The following STARD9 variants were observed in gnomAD, a reference collection of about 807,000 sequenced individuals.
The protein encoded by STARD9 is stAR-related lipid transfer protein 9.
A neutral mutation model predicts 399.8 loss-of-function variants in STARD9; 346 were observed. The observed-to-expected ratio is 0.87, with a 90% CI of 0.79 to 0.95. STARD9 has a LOEUF of 0.95. Ranked by LOEUF, STARD9 falls within the 40% of genes least tolerant of loss-of-function variation. STARD9 has a pLI of 0.00. For synonymous variants in STARD9, 2,203 were observed against 2,143.5 expected (o/e 1.03, Z -0.77); for missense variants, 5,832 against 5,667.5 (o/e 1.03, Z -0.93).
intron 2 of STARD9, 43 bp downstream of exon 2, chr15:42,583,458 T>A: frequency 7.1e-7 from 1 of 1,413,328 alleles, no homozygotes; most frequent in Non-Finnish European, 9.7e-7. Context: ...ACTGAGGAGC[T>A]AATATTGTTA....
chr15:42,687,596 C>T lies in STARD9; in HGVS notation c.6018C>T (p.Phe2006=). ...LPGTKPAYER[F]QLVACPQERN... ...GTACAAAGCCTGCATATGAAAGGTT[C>T]CAGTTAGTTGCATGCCCTCAGGAAA... Residue 2006 remains phenylalanine (F), a synonymous_variant, in exon 23 of 33, where the codon TTC becomes TTT. Transcript: ENST00000290607. The T allele has an allele frequency of 6.5e-7, 1 of 1,537,042 alleles. No homozygotes were observed. The highest frequency in any genetic ancestry group is 8.7e-7 in the Non-Finnish European group (1 of 1,146,908).
At position 42,685,068 on chromosome 15, in the gene STARD9, G is replaced by A. The variant is rs115363065; in HGVS notation, c.3490G>A (p.Gly1164Arg). The part of the protein sequence containing the change: ...KRYQSPKNRL[G>R]GNRPTNNRGQ... ...GTACCAAAGCCCCAAAAACAGGCTA[G>A]GGGGCAATCGTCCCACCAACAACCG... Residue 1164 changes from glycine to arginine, a missense_variant, in exon 23 of 33, where the codon GGG becomes AGG. Around this residue, in one of 2 missense-constraint regions of STARD9, gnomAD observed 5,828 missense variants for 5,651.1 expected, o/e 1.03. Transcript: ENST00000290607. 2 of 1,537,136 alleles carry A rather than the reference G, an allele frequency of 1.3e-6. No individual in the cohort carries two copies. The highest frequency in any genetic ancestry group is 1.4e-5 in the African/African-American group (1 of 73,096).
At chr15:42,706,831 C>CGGAT (rs2140361204) in intron 26 of STARD9, among the ~76,000 whole-genome samples, 2 of 152,232 alleles carry the variant, frequency 1.3e-5, no homozygotes, top group East Asian at 3.9e-4. Flanking sequence ...ATAGCATATT[C>CGGAT]TTATCCAGAA....
At chr15:42,699,430 T>A (rs1257408364) in intron 26 of STARD9, among the ~76,000 whole-genome samples, 1 of 144,296 alleles carries the variant, frequency 6.9e-6, no homozygotes, top group African/African-American at 2.7e-5. Context: ...AGTCTTGCTC[T>A]GTCGCCAGGC....
At position 42,685,231 on chromosome 15, in the gene STARD9, A is replaced by G; in HGVS notation, c.3653A>G (p.Gln1218Arg). Residue 1218 changes from glutamine (Q) to arginine (R), a missense_variant, in exon 23 of 33, where the codon CAG becomes CGG. Physicochemically the swap from Gln to Arg is conservative, Grantham distance 43. This residue lies in a region of STARD9 where 5,828 missense variants were observed against 5,651.1 expected (regional missense o/e 1.03). Transcript: ENST00000290607. ...GCAGAGGAAGAACTGGGGGAAGATC[A>G]GCAAGAAGAACCTTTCCCTGGTTCA... is the stretch of plus-strand genomic sequence containing the variant. The part of the protein sequence containing the change: ...IDAEEELGED[Q>R]QEEPFPGSAD... 3 of 1,537,386 alleles carry G rather than the reference A, an allele frequency of 2.0e-6. No homozygotes were observed. The highest frequency in any genetic ancestry group is 4.9e-5 in the East Asian group (2 of 40,918).
chr15:42,629,081 G>A (rs991063312), intron 3 of STARD9, among the ~76,000 whole-genome samples: 8 of 151,998 alleles, frequency 5.3e-5, no homozygotes, highest in East Asian at 1.9e-4. Context: ...GTGCAGGGAC[G>A]TGATCATTGC....
At chr15:42,716,543 C>G (rs2140418615) in intron 26 of STARD9, 134 bp from the exon 27 acceptor site, 2 of 629,236 alleles carry the variant, frequency 3.2e-6, no homozygotes, top group East Asian at 2.8e-5. Context: ...GACATCGAGC[C>G]TCTTGTATTC....
chr15:42,652,728 T>G, intron 9 of STARD9, 136 bp downstream of exon 9: 1 of 756,108 alleles, frequency 1.3e-6, no homozygotes. Flanking sequence ...CAGACTGGAG[T>G]GCAGTGGCGC....
chr15:42,624,944 TTC>T (rs1305238159), intron 3 of STARD9, among the ~76,000 whole-genome samples: 7 of 152,256 alleles, frequency 4.6e-5, no homozygotes, highest in Admixed American at 1.3e-4. Flanking sequence ...TCTAATATAA[TTC>T]TTTTATTTTA....
intron 18 of STARD9, 71 bp downstream of exon 18, chr15:42,675,035 A>T: frequency 7.2e-7 from 1 of 1,392,736 alleles, no homozygotes; most frequent in South Asian, 1.6e-5. Flanking sequence ...GGGCCCAAAG[A>T]GCTCAGTGAA....
intron 16 of STARD9, chr15:42,672,142 TTTG>T (rs2060214618): frequency 6.6e-6 from 1 of 152,300 alleles, no homozygotes; most frequent in Non-Finnish European, 1.5e-5. Context: ...CAAGATTCTG[TTTG>T]TTGTTGTTTG....
rs2058543725 is a variant in STARD9 at position 42,597,994 on chromosome 15, A to ATATATGTGTGTGTGTGTGTTTG, written c.234+12362_234+12363insGTGTGTGTGTGTGTTTGTATAT. ...CCTGTGTGTGTGTGTGTGTTTGTATATATATATGTGTGTGTGTGTGTGTGT... is the reference window on the plus strand; with the variant it reads ...CCTGTGTGTGTGTGTGTGTTTGTATATATATGTGTGTGTGTGTGTTTGTATATATGTGTGTGTGTGTGTGTGT... On this transcript the variant is annotated intron_variant, in intron 3 of 32. Transcript: ENST00000290607. 1.4e-4 allele frequency among the ~76,000 whole-genome samples: 7 copies of ATATATGTGTGTGTGTGTGTTTG among 51,688 alleles called. No individual in the cohort carries two copies. The Admixed American group carries it at 1.4e-3, about 11-fold the overall frequency. 33.9% of individuals were successfully genotyped at this position (51,688 alleles called of 152,430 possible). A position where few individuals can be genotyped will look rare whatever the true frequency, so the allele number is the denominator to read the frequency against.
chr15:42,712,129 AAATGTGCC>A, intron 26 of STARD9, among the ~76,000 whole-genome samples: 1 of 19,462 alleles, frequency 5.1e-5, no homozygotes, highest in Admixed American at 9.0e-4. Flanking sequence ...ATATATATAT[AAATGTGCC>A]TTTGCCCATT....
At chr15:42,611,181 G>C (rs1281505662) in intron 3 of STARD9, among the ~76,000 whole-genome samples, 2 of 152,168 alleles carry the variant, frequency 1.3e-5, no homozygotes, top group Non-Finnish European at 2.9e-5. Flanking sequence ...GTTTTAGAAA[G>C]TAAAGATTTT....
chr15:42,606,806 A>G (rs2058733015), intron 3 of STARD9, among the ~76,000 whole-genome samples: 2 of 152,026 alleles, frequency 1.3e-5, no homozygotes, highest in Non-Finnish European at 2.9e-5. Flanking sequence ...ATACATGTAC[A>G]GTCAGGGTGC....
At chr15:42,650,485 C>T (rs897664722) in intron 7 of STARD9, among the ~76,000 whole-genome samples, 1 of 152,148 alleles carries the variant, frequency 6.6e-6, no homozygotes, top group African/African-American at 2.4e-5. Flanking sequence ...TTCTGTGGAA[C>T]CTGTCCTGAC....
In STARD9 at chr15:42,704,465, C is replaced by T. The variant is rs573583122; in HGVS notation, c.13284+8585C>T. 5.3e-5 allele frequency among the ~76,000 whole-genome samples: 8 copies of T among 152,244 alleles called. No individual in the cohort carries two copies. The South Asian group carries it at 1.7e-3, about 32-fold the overall frequency. ...GGCATTGAAGAAATTGATATATATT[C>T]CAATTTTTGCAATCTGGCCTTGTTT... On this transcript the variant is annotated intron_variant, in intron 26 of 32. Coordinates refer to ENST00000290607, the MANE Select transcript of STARD9 (RefSeq NM_020759.3).
intron 4 of STARD9, among the ~76,000 whole-genome samples, chr15:42,636,201 T>TG (rs2059415468): frequency 6.6e-6 from 1 of 151,250 alleles, no homozygotes; most frequent in African/African-American, 2.4e-5. Flanking sequence ...GAGGCTGAGG[T>TG]GGGAGGATGG....
intron 3 of STARD9, among the ~76,000 whole-genome samples, chr15:42,615,260 C>T (rs2058938908): frequency 6.6e-6 from 1 of 152,032 alleles, no homozygotes; most frequent in Admixed American, 6.5e-5. Context: ...TCCGATGCCT[C>T]CGCCTCCCAA....
Sources: gnomAD v4.1 joint callset for allele counts (sites outside exome capture counted in the v4.1 genomes callset) on GRCh38, gnomAD v4.1.1 for gene constraint, gnomAD v4.1.1 regional missense constraint, MANE v1.5 for transcripts, NCBI Gene and HGNC (gene_info 2026-07-23, HGNC 2026-07-21) for gene names.